The following SMIM35 variants were observed in gnomAD, a reference collection of about 807,000 sequenced individuals.
SMIM35 encodes TMPRSS4 antisense RNA 1 (non-protein coding).
Position 118,051,917 on chromosome 11 carries a change from C to T in SMIM35, c.7+34834G>A, listed in dbSNP as rs527930261. Reference sequence around the variant, plus strand: ...GATTGTGAACAAGAGACACGGGTGACGCAGGGAGAGTGCTAGGTGTGAGGT... The same window carrying T: ...GATTGTGAACAAGAGACACGGGTGATGCAGGGAGAGTGCTAGGTGTGAGGT... On this transcript the variant is annotated intron_variant, in intron 1 of 4. Coordinates refer to ENST00000689828, the MANE Select transcript of SMIM35 (RefSeq NM_001394165.1). 3.0e-4 allele frequency among the ~76,000 whole-genome samples: 46 copies of T among 152,046 alleles called. 1 individual carries two copies. In the South Asian group the frequency reaches 5.2e-3, roughly 17 times the overall value.
At chr11:118,073,908 A>G (rs1944613284) in intron 1 of SMIM35, among the ~76,000 whole-genome samples, 1 of 152,198 alleles carries the variant, frequency 6.6e-6, no homozygotes, top group African/African-American at 2.4e-5. Flanking sequence ...CCTCATAGAA[A>G]ACAAACAACA....
intron 1 of SMIM35, among the ~76,000 whole-genome samples, chr11:118,019,095 A>C (rs2058205893): frequency 6.6e-6 from 1 of 152,142 alleles, no homozygotes; most frequent in African/African-American, 2.4e-5. Flanking sequence ...CCATTACTTC[A>C]TATTTTTAAC....
intron 1 of SMIM35, among the ~76,000 whole-genome samples, chr11:118,041,814 GC>G (rs1276018809): frequency 6.6e-6 from 1 of 152,130 alleles, no homozygotes. Context: ...ACTTTGGGAG[GC>G]CGAAGTCGGT....
rs77675661 is a variant in SMIM35 at position 118,028,698 on chromosome 11, A to G, written c.8-12889T>C. 8.0e-3 allele frequency: 2,539 copies of G among 317,344 alleles called. 60 individuals carry two copies. The highest frequency in any genetic ancestry group is 0.051 in the African/African-American group (2,334 of 45,598). The allele number at this position is 317,344 out of a possible 1,614,324, so 19.7% of individuals were successfully genotyped here. A position where few individuals can be genotyped will look rare whatever the true frequency, so the allele number is the denominator to read the frequency against. ...GAAAGAGGAGAAGGTGGAGAGGAAA[A>G]AAGTCTAAAAACAAAGTAAGGTCAA... is the stretch of plus-strand genomic sequence containing the variant. On this transcript the variant is annotated intron_variant, in intron 1 of 4. Transcript: ENST00000689828.
intron 1 of SMIM35, among the ~76,000 whole-genome samples, chr11:118,079,473 G>A (rs1260400867): frequency 6.6e-6 from 1 of 152,190 alleles, no homozygotes; most frequent in Non-Finnish European, 1.5e-5. Flanking sequence ...CAGAGCCCAA[G>A]CCCTGTCCCC....
chr11:118,064,930 C>T (rs538900619), intron 1 of SMIM35, among the ~76,000 whole-genome samples: 6 of 152,356 alleles, frequency 3.9e-5, no homozygotes, highest in South Asian at 4.1e-4. Context: ...GCGTGAGCCA[C>T]CATGCCCAGC....
chr11:118,076,355 G>A (rs1044361388), intron 1 of SMIM35, among the ~76,000 whole-genome samples: 7 of 152,156 alleles, frequency 4.6e-5, no homozygotes, highest in Non-Finnish European at 8.8e-5. Flanking sequence ...GCTGGAGCAC[G>A]AGAATTGCTT....
At chr11:118,078,171 T>C (rs766137947) in intron 1 of SMIM35, among the ~76,000 whole-genome samples, 3 of 152,144 alleles carry the variant, frequency 2.0e-5, no homozygotes, top group Non-Finnish European at 4.4e-5. Flanking sequence ...CTGGAGCGTC[T>C]TCGCTGTCTT....
intron 1 of SMIM35, among the ~76,000 whole-genome samples, chr11:118,034,038 C>T (rs1029858527): frequency 5.3e-5 from 8 of 152,128 alleles, no homozygotes; most frequent in Non-Finnish European, 8.8e-5. Flanking sequence ...GAGGCCGAGG[C>T]GGGCAGATGA....
chr11:118,049,493 C>T (rs1291276965), intron 1 of SMIM35, among the ~76,000 whole-genome samples: 2 of 151,652 alleles, frequency 1.3e-5, no homozygotes, highest in Non-Finnish European at 2.9e-5. Context: ...GGATTACAGG[C>T]ACACACCACC....
At chr11:118,035,054 C>A (rs993577935) in intron 1 of SMIM35, among the ~76,000 whole-genome samples, 2 of 151,674 alleles carry the variant, frequency 1.3e-5, no homozygotes, top group African/African-American at 4.8e-5. Flanking sequence ...TGGGTTCAAG[C>A]GATTCTGGTG....
rs2058111732 is a variant in SMIM35 at position 118,004,392 on chromosome 11, G to A, written c.*2018C>T. The A allele has an allele frequency of 6.6e-6, 1 of 152,284 alleles. No homozygotes were observed. The highest frequency in any genetic ancestry group is 1.5e-5 in the Non-Finnish European group (1 of 68,070). The allele number at this position is 152,284 out of a possible 1,614,324, so 9.4% of individuals were successfully genotyped here. The stretch of plus-strand genomic sequence containing the variant: ...GAAGCATTATCAAGATGGGGCAACA[G>A]GCTGGAGTGAAAGAAGGAGGTCTCA... On this transcript the variant is annotated 3_prime_UTR_variant, in exon 5 of 5. Transcript: ENST00000689828.
intron 1 of SMIM35, among the ~76,000 whole-genome samples, chr11:118,038,348 A>G (rs1048844977): frequency 2.6e-5 from 4 of 152,226 alleles, no homozygotes; most frequent in African/African-American, 9.6e-5. Context: ...TTGGGAAAGA[A>G]TAACACCCAC....
intron 1 of SMIM35, chr11:118,059,026 G>C (rs910193398): frequency 3.3e-5 from 5 of 152,222 alleles, no homozygotes; most frequent in Non-Finnish European, 5.9e-5. Context: ...CAGAGACAGG[G>C]ACCATCCCAG....
intron 1 of SMIM35, among the ~76,000 whole-genome samples, chr11:118,062,933 G>T (rs1486689689): frequency 2.0e-5 from 3 of 152,148 alleles, no homozygotes; most frequent in Non-Finnish European, 4.4e-5. Context: ...AAAACAGGTT[G>T]CAGTAAAGGA....
intron 1 of SMIM35, among the ~76,000 whole-genome samples, chr11:118,064,706 A>C (rs1351786481): frequency 1.3e-5 from 2 of 151,526 alleles, no homozygotes; most frequent in African/African-American, 2.4e-5. Context: ...TGCAGTGGCA[A>C]GATCTTGGCT....
rs541048428 is a variant in SMIM35, at chr11:118,075,586, A to G, written c.7+11165T>C. Among the ~76,000 whole-genome samples, 13 of 152,300 alleles carry G rather than the reference A, an allele frequency of 8.5e-5. 1 individual carries two copies. The South Asian group carries it at 2.7e-3, about 32-fold the overall frequency. ...CTCTGCCCGAAACTACTTCATGTCC[A>G]TAGGCTATAGTTTCCTCAGCTGACA... is the stretch of plus-strand genomic sequence containing the variant. On this transcript the variant is annotated intron_variant, in intron 1 of 4. Coordinates refer to ENST00000689828, the MANE Select transcript of SMIM35 (RefSeq NM_001394165.1).
chr11:118,065,672 G>A (rs149274526), intron 1 of SMIM35, among the ~76,000 whole-genome samples: 2 of 152,250 alleles, frequency 1.3e-5, no homozygotes, highest in East Asian at 1.9e-4. Context: ...TACATAGGGT[G>A]TACACTAAGT....
At chr11:118,020,654 A>T (rs868371391) in intron 1 of SMIM35, among the ~76,000 whole-genome samples, 23 of 152,062 alleles carry the variant, frequency 1.5e-4, no homozygotes, top group African/African-American at 5.3e-4. Context: ...TGTGAACAGG[A>T]GCTTGTTTTG....
Sources: allele counts gnomAD v4.1 joint callset (sites outside exome capture counted in the v4.1 genomes callset), GRCh38; gene constraint gnomAD v4.1.1; transcripts MANE v1.5; gene names NCBI Gene and HGNC (gene_info 2026-07-23, HGNC 2026-07-21).